The following AK5 variants were observed in gnomAD, a reference collection of about 807,000 sequenced individuals.
AK5 encodes the protein adenylate kinase 5.
Under a neutral mutation model 69.5 loss-of-function variants are expected in AK5, and 27 were observed. That is an observed-to-expected ratio of 0.39 (90% confidence interval 0.29 to 0.54). The LOEUF (loss-of-function observed/expected upper bound fraction) is 0.54, where lower values mean the gene tolerates loss of function less well. Ranked by LOEUF, AK5 falls within the 20% of genes least tolerant of loss-of-function variation. The probability of loss-of-function intolerance (pLI) is 0.71; values close to 1 mark genes in which losing one functional copy is unlikely to be tolerated. For missense variants in AK5, 531 were observed against 700.4 expected (o/e 0.76, Z 2.73); for synonymous variants, 260 against 244.4 (o/e 1.06, Z -0.60).
chr1:77,442,522 T>G (rs1187248242), intron 8 of AK5, among the ~76,000 whole-genome samples: 1 of 152,116 alleles, frequency 6.6e-6, no homozygotes, highest in East Asian at 1.9e-4. Flanking sequence ...TTCCTCCAGG[T>G]TCCCAGCTTA....
At chr1:77,493,746 C>G (rs1030189733) in intron 10 of AK5, among the ~76,000 whole-genome samples, 2 of 152,130 alleles carry the variant, frequency 1.3e-5, no homozygotes, top group Non-Finnish European at 2.9e-5. Flanking sequence ...AAAGTCCAGG[C>G]CATTCAGGAT....
chr1:77,367,647 A>ATATAAGTTATATATATGTTATATATACGT (rs1646994170), intron 6 of AK5, among the ~76,000 whole-genome samples: 15 of 85,472 alleles, frequency 1.8e-4, no homozygotes, highest in Non-Finnish European at 2.2e-4. Context: ...ATGTTATGTT[A>ATATAAGTTATATATATGTTATATATACGT]TATATGTTAT....
At chr1:77,536,961 C>T (rs1051553878) in intron 13 of AK5, among the ~76,000 whole-genome samples, 1 of 152,146 alleles carries the variant, frequency 6.6e-6, no homozygotes, top group Admixed American at 6.5e-5. Flanking sequence ...GAAAACTGCC[C>T]AGTCCTCATC....
chr1:77,282,444 C>A, intron 1 of AK5, 71 bp downstream of exon 1: 1 of 1,497,778 alleles, frequency 6.7e-7, no homozygotes, highest in South Asian at 1.3e-5. Context: ...TTGAGGCAGC[C>A]GCGCCCCGTC....
intron 13 of AK5, among the ~76,000 whole-genome samples, chr1:77,543,955 G>A (rs1659412073): frequency 6.6e-6 from 1 of 151,630 alleles, no homozygotes; most frequent in African/African-American, 2.4e-5. Flanking sequence ...ACACAGTCAT[G>A]CATCATTTAA....
intron 10 of AK5, among the ~76,000 whole-genome samples, chr1:77,514,155 AT>A (rs1482454489): frequency 1.3e-5 from 2 of 152,282 alleles, no homozygotes; most frequent in Non-Finnish European, 2.9e-5. Context: ...TTTTTGAGGT[AT>A]TCACAGACAA....
At chr1:77,496,894 G>A (rs1335260198) in intron 10 of AK5, among the ~76,000 whole-genome samples, 1 of 152,076 alleles carries the variant, frequency 6.6e-6, no homozygotes, top group Non-Finnish European at 1.5e-5. Flanking sequence ...GGACTAATTG[G>A]CACGCTGTAA....
At chr1:77,558,411 A>ACTT (rs1660236091) in intron 13 of AK5, among the ~76,000 whole-genome samples, 191 bp from the exon 14 acceptor site, 1 of 142,838 alleles carries the variant, frequency 7.0e-6, no homozygotes, top group African/African-American at 2.5e-5. Context: ...GTGTAGTGGT[A>ACTT]CTTCATTGTT....
chr1:77,541,464 C>A (rs1324511946), intron 13 of AK5, among the ~76,000 whole-genome samples: 1 of 152,174 alleles, frequency 6.6e-6, no homozygotes, highest in Non-Finnish European at 1.5e-5. Context: ...GTAGTCCCAC[C>A]ACTCAGAGGC....
chr1:77,288,288 G>A (rs552410537), intron 2 of AK5, among the ~76,000 whole-genome samples: 21 of 152,276 alleles, frequency 1.4e-4, no homozygotes, highest in African/African-American at 3.4e-4. Context: ...AATTTGAGAC[G>A]TATAATAGTA....
At chr1:77,410,047 C>G (rs749763568) in intron 6 of AK5, among the ~76,000 whole-genome samples, 3 of 151,610 alleles carry the variant, frequency 2.0e-5, no homozygotes, top group Non-Finnish European at 4.4e-5. Context: ...TTTTTAAAAA[C>G]TAAAGGGACA....
At chr1:77,358,018 T>TGTGTGTGTGTGTGTGTGA (rs762714026) in intron 6 of AK5, among the ~76,000 whole-genome samples, 8,259 of 128,038 alleles carry the variant, frequency 0.065, 369 homozygotes, top group East Asian at 0.21. Flanking sequence ...TGTGTGTGTG[T>TGTGTGTGTGTGTGTGTGA]GAGAGAGAGA....
chr1:77,370,518 T>C (rs891177451), intron 6 of AK5, among the ~76,000 whole-genome samples: 2 of 151,834 alleles, frequency 1.3e-5, no homozygotes, highest in Non-Finnish European at 2.9e-5. Flanking sequence ...CACATTTTAA[T>C]GAAAGGGGTT....
chr1:77,534,290 T>C (rs1233802727), intron 12 of AK5, among the ~76,000 whole-genome samples: 1 of 152,128 alleles, frequency 6.6e-6, no homozygotes, highest in East Asian at 1.9e-4. Context: ...GGATGCAAAG[T>C]AAGCATGTCC....
At chr1:77,351,927 C>CTTTTTTTTTTTTTTT (rs10658959) in intron 6 of AK5, among the ~76,000 whole-genome samples, 5 of 138,170 alleles carry the variant, frequency 3.6e-5, no homozygotes, top group Non-Finnish European at 4.6e-5. Flanking sequence ...GCAAGTAATT[C>CTTTTTTTTTTTTTTT]TTTTTTTTTT....
At chr1:77,355,334 A>G (rs1662438850) in intron 6 of AK5, among the ~76,000 whole-genome samples, 1 of 152,244 alleles carries the variant, frequency 6.6e-6, no homozygotes, top group Non-Finnish European at 1.5e-5. Flanking sequence ...TGCATTTTCT[A>G]AAATCCCATG....
At chr1:77,351,280 G>A (rs114819017) in intron 6 of AK5, among the ~76,000 whole-genome samples, 1,712 of 152,056 alleles carry the variant, frequency 0.011, 29 homozygotes, top group African/African-American at 0.039. Flanking sequence ...CTGCAGTCCC[G>A]GCTACTTGGG....
At chr1:77,461,429 A>C (rs1284542593) in intron 8 of AK5, among the ~76,000 whole-genome samples, 2 of 151,936 alleles carry the variant, frequency 1.3e-5, no homozygotes, top group African/African-American at 4.8e-5. Context: ...GGGAATGGGG[A>C]GATGTCAGTC....
chr1:77,403,774 A>G (rs902351513), intron 6 of AK5, among the ~76,000 whole-genome samples: 3 of 152,190 alleles, frequency 2.0e-5, no homozygotes, highest in Non-Finnish European at 4.4e-5. Flanking sequence ...TGACTTGGCA[A>G]TGCGGGCTCT....
Sources: gnomAD v4.1 joint callset for allele counts (sites outside exome capture counted in the v4.1 genomes callset) on GRCh38, gnomAD v4.1.1 for gene constraint, MANE v1.5 for transcripts, NCBI Gene and HGNC (gene_info 2026-07-23, HGNC 2026-07-21) for gene names.